MAGI2: variants seen among roughly 807,000 people sequenced by gnomAD.
The protein encoded by MAGI2 is membrane associated guanylate kinase, WW and PDZ domain containing 2.
MAGI2 carries 35 observed loss-of-function variants against 133.3 expected under a neutral mutation model. The ratio of observed to expected loss-of-function variants is 0.26; its 90% confidence interval spans 0.20 to 0.35. The LOEUF is 0.35. Ranked by LOEUF, MAGI2 falls within the 10% of genes least tolerant of loss-of-function variation. The probability of loss-of-function intolerance (pLI) is 1.00; values close to 1 mark genes in which losing one functional copy is unlikely to be tolerated. For synonymous variants in MAGI2, 729 were observed against 710.6 expected (o/e 1.03, Z -0.41); for missense variants, 1,636 against 1,863.4 (o/e 0.88, Z 2.25).
chr7:78,209,236 A>AAAAAAAAAAAAAAAAAAC (rs1787489927), intron 10 of MAGI2, among the ~76,000 whole-genome samples: 1 of 121,952 alleles, frequency 8.2e-6, no homozygotes, highest in Non-Finnish European at 1.7e-5. Flanking sequence ...AAAAAAAAAA[A>AAAAAAAAAAAAAAAAAAC]AAAAAAAAAG....
chr7:78,741,111 C>T (rs1218446988), intron 2 of MAGI2, among the ~76,000 whole-genome samples: 5 of 151,974 alleles, frequency 3.3e-5, no homozygotes, highest in African/African-American at 1.2e-4. Flanking sequence ...AGATTCTATA[C>T]ACATAAACAG....
At chr7:78,619,234 T>C (rs904416424) in intron 3 of MAGI2, among the ~76,000 whole-genome samples, 3 of 151,782 alleles carry the variant, frequency 2.0e-5, no homozygotes, top group Non-Finnish European at 4.4e-5. Flanking sequence ...CAAGAGTTAG[T>C]AAATCATTGT....
intron 1 of MAGI2, among the ~76,000 whole-genome samples, chr7:79,276,349 A>G (rs1835227383): frequency 6.6e-6 from 1 of 152,142 alleles, no homozygotes; most frequent in Non-Finnish European, 1.5e-5. Context: ...CTAGAATTAG[A>G]AGTGGAGCCT....
chr7:79,392,880 C>T (rs996182397), intron 1 of MAGI2, among the ~76,000 whole-genome samples: 18 of 152,108 alleles, frequency 1.2e-4, no homozygotes, highest in Non-Finnish European at 2.2e-4. Context: ...ACAAACTAAA[C>T]GACCATTCAC....
chr7:78,208,631 CA>C (rs752675228), intron 10 of MAGI2, among the ~76,000 whole-genome samples: 1 of 150,106 alleles, frequency 6.7e-6, no homozygotes, highest in Non-Finnish European at 1.5e-5. Flanking sequence ...GGAAGGCAAT[CA>C]ATACTTGCAA....
chr7:78,833,088 C>G (rs1791332829), intron 2 of MAGI2, among the ~76,000 whole-genome samples: 1 of 152,120 alleles, frequency 6.6e-6, no homozygotes, highest in African/African-American at 2.4e-5. Context: ...CATCATGTTT[C>G]TATGGATTGT....
chr7:78,861,120 C>T (rs896209312), intron 2 of MAGI2, among the ~76,000 whole-genome samples: 2 of 152,090 alleles, frequency 1.3e-5, no homozygotes, highest in Non-Finnish European at 2.9e-5. Context: ...GGGAGTGTCC[C>T]GATTTTCCAG....
rs373381592 is a variant in MAGI2, at chr7:78,859,500, G to T, written c.418+147590C>A. Among the ~76,000 whole-genome samples, 3 of 152,242 alleles carry T rather than the reference G, an allele frequency of 2.0e-5. No individual in the cohort carries two copies. In the East Asian group the frequency reaches 5.8e-4, roughly 29 times the overall value. ...ATTTTATTTCTCCTTCACTTATGAA[G>T]CTTAGTTTGACTGGATATGAAATTC... On this transcript the variant is annotated intron_variant, in intron 2 of 21. Coordinates refer to ENST00000354212, the MANE Select transcript of MAGI2 (RefSeq NM_012301.4).
intron 1 of MAGI2, among the ~76,000 whole-genome samples, chr7:79,079,069 T>C (rs1160090119): frequency 6.6e-6 from 1 of 152,202 alleles, no homozygotes; most frequent in Non-Finnish European, 1.5e-5. Context: ...TGTTCCCTAA[T>C]TCATTTCTCC....
intron 9 of MAGI2, among the ~76,000 whole-genome samples, chr7:78,285,541 A>C (rs78497566): frequency 0.031 from 4,724 of 152,256 alleles, 232 homozygotes; most frequent in African/African-American, 0.11. Context: ...TCCTATGGTC[A>C]TAAGACTGTT....
At chr7:78,733,003 G>A (rs1158918783) in intron 2 of MAGI2, among the ~76,000 whole-genome samples, 2 of 152,120 alleles carry the variant, frequency 1.3e-5, no homozygotes, top group Non-Finnish European at 2.9e-5. Context: ...CCAGGTAGAG[G>A]AGGAGTAAGA....
intron 3 of MAGI2, among the ~76,000 whole-genome samples, chr7:78,556,967 T>C (rs540347826): frequency 2.5e-4 from 38 of 151,292 alleles, no homozygotes; most frequent in Admixed American, 1.9e-3. Flanking sequence ...GGCAGGTGCC[T>C]GTAGTCCCAG....
At chr7:78,578,786 T>A (rs1290386187) in intron 3 of MAGI2, among the ~76,000 whole-genome samples, 3 of 152,200 alleles carry the variant, frequency 2.0e-5, no homozygotes, top group Non-Finnish European at 2.9e-5. Context: ...CCACTGTTCA[T>A]GACTCTCAGT....
chr7:78,264,959 T>C (rs111412202), intron 9 of MAGI2, among the ~76,000 whole-genome samples: 209 of 152,250 alleles, frequency 1.4e-3, no homozygotes, highest in African/African-American at 4.9e-3. Context: ...CTCTTATCTA[T>C]AGGCAGAAGG....
At chr7:78,950,414 T>C (rs1448439046) in intron 2 of MAGI2, among the ~76,000 whole-genome samples, 1 of 152,142 alleles carries the variant, frequency 6.6e-6, no homozygotes, top group African/African-American at 2.4e-5. Context: ...ATTAAGACTT[T>C]AAAAAACATT....
chr7:78,842,137 G>T (rs1001295743), intron 2 of MAGI2, among the ~76,000 whole-genome samples: 1 of 151,948 alleles, frequency 6.6e-6, no homozygotes, highest in Non-Finnish European at 1.5e-5. Flanking sequence ...TGCATCCCGT[G>T]TCAGAGAAAG....
At chr7:79,287,433 T>C (rs1836101583) in intron 1 of MAGI2, among the ~76,000 whole-genome samples, 1 of 152,110 alleles carries the variant, frequency 6.6e-6, no homozygotes, top group African/African-American at 2.4e-5. Context: ...AACAGCCATG[T>C]ATATTGTGCA....
At chr7:78,031,285 G>C (rs1809542228) in intron 21 of MAGI2, among the ~76,000 whole-genome samples, 1 of 152,180 alleles carries the variant, frequency 6.6e-6, no homozygotes, top group Non-Finnish European at 1.5e-5. Context: ...AATTATGGTA[G>C]TGATGATATA....
chr7:78,047,264 A>C (rs1262505866), intron 21 of MAGI2, among the ~76,000 whole-genome samples: 2 of 152,070 alleles, frequency 1.3e-5, no homozygotes. Flanking sequence ...TGTCAGTGGA[A>C]TCTTCTTTCC....
Sources: allele counts gnomAD v4.1 joint callset (sites outside exome capture counted in the v4.1 genomes callset), GRCh38; gene constraint gnomAD v4.1.1; transcripts MANE v1.5; gene names NCBI Gene and HGNC (gene_info 2026-07-23, HGNC 2026-07-21).